ZDHHC24: variants seen among roughly 807,000 people sequenced by gnomAD.
ZDHHC24 encodes zDHHC palmitoyltransferase 24.
ZDHHC24 carries 17 observed loss-of-function variants against 23.2 expected under a neutral mutation model. The ratio of observed to expected loss-of-function variants is 0.73; its 90% CI spans 0.50 to 1.10. ZDHHC24 has a LOEUF of 1.10. Ranked by LOEUF, ZDHHC24 falls within the 50% of genes least tolerant of loss-of-function variation. The pLI, the probability that ZDHHC24 is intolerant of heterozygous loss-of-function variation, is 0.00. For synonymous variants in ZDHHC24, 186 were observed against 194.5 expected (o/e 0.96, Z 0.36); for missense variants, 366 against 393.0 (o/e 0.93, Z 0.58).
chr11:66,525,822 T>G (rs1226618291), intron 4 of ZDHHC24, among the ~76,000 whole-genome samples: 1 of 152,102 alleles, frequency 6.6e-6, no homozygotes, highest in African/African-American at 2.4e-5. Flanking sequence ...TTTGTGTTTT[T>G]GAAAGGTAGC....
chr11:66,527,119 G>T, intron 3 of ZDHHC24: 1 of 1,124,300 alleles, frequency 8.9e-7, no homozygotes, highest in Non-Finnish European at 1.3e-6. Flanking sequence ...GCTCACGCCT[G>T]TAATCCCAAC....
intron 2 of ZDHHC24, among the ~76,000 whole-genome samples, chr11:66,530,180 C>T (rs1856711286): frequency 6.6e-6 from 1 of 152,070 alleles, no homozygotes; most frequent in African/African-American, 2.4e-5. Flanking sequence ...CTGGCCATGC[C>T]GTGGGACACT....
chr11:66,534,676 ATTTATTTTAT>A (rs199871170), downstream of ZDHHC24, among the ~76,000 whole-genome samples: 13 of 151,708 alleles, frequency 8.6e-5, no homozygotes, highest in South Asian at 1.2e-3. Context: ...GATTTTTTTC[ATTTATTTTAT>A]TTTATTTTAT....
At chr11:66,529,680 C>T (rs1565289561) in intron 2 of ZDHHC24, 9 of 1,109,774 alleles carry the variant, frequency 8.1e-6, no homozygotes, top group Admixed American at 5.7e-5. Flanking sequence ...TTTCCCTCCT[C>T]CCCAGCTCCT....
At chr11:66,523,355 G>A (rs1168709270) in intron 4 of ZDHHC24, 3 of 1,538,786 alleles carry the variant, frequency 1.9e-6, no homozygotes, top group Admixed American at 3.3e-5. Flanking sequence ...TGGGGCCAGT[G>A]TTCCTCCCAG....
intron 3 of ZDHHC24, among the ~76,000 whole-genome samples, chr11:66,527,925 T>C (rs1025985967): frequency 3.3e-5 from 5 of 151,886 alleles, no homozygotes; most frequent in Non-Finnish European, 2.9e-5. Context: ...AGGCACAGGG[T>C]GTTGACCTGG....
At position 66,526,150 on chromosome 11, in the gene ZDHHC24, C is replaced by T. The variant is rs752299442; in HGVS notation, c.*21+786G>A. 21 of 1,614,134 alleles carry T rather than the reference C, an allele frequency of 1.3e-5. No homozygotes were observed. Among genetic ancestry groups the T allele is most frequent in the Non-Finnish European group, 1.5e-5 (18 of 1,180,012 alleles). ...TGCAGTGACCAGCCTTTGCTTTGGC[C>T]GGTACGGGCGGGAGGACAACACCCT... On this transcript the variant is annotated intron_variant, in intron 4 of 4. Transcript: ENST00000526986.
At chr11:66,522,202 C>T (rs1856268623) in intron 4 of ZDHHC24, among the ~76,000 whole-genome samples, 2 of 149,994 alleles carry the variant, frequency 1.3e-5, no homozygotes, top group African/African-American at 4.9e-5. Context: ...GGGCACAGAG[C>T]GAGACTCTGT....
At chr11:66,529,378 G>C in exon 3 of ZDHHC24, 1 of 1,429,356 alleles carries the variant, frequency 7.0e-7, no homozygotes, top group East Asian at 2.5e-5. Flanking sequence ...AGATGAGCAG[G>C]AGGCAGGCGA....
At chr11:66,528,926 C>CAT (rs1856635916) in intron 3 of ZDHHC24, 1 of 324,842 alleles carries the variant, frequency 3.1e-6, no homozygotes, top group Non-Finnish European at 4.3e-6. Context: ...TGAGATCACG[C>CAT]CATTGCACTC....
At chr11:66,534,735 G>A (rs184623664), downstream of ZDHHC24, among the ~76,000 whole-genome samples, 576 of 151,764 alleles carry the variant, frequency 3.8e-3, 2 homozygotes, top group Middle Eastern at 0.044. Flanking sequence ...TCACTGTGTC[G>A]CCCAGGCTGG....
chr11:66,529,298 G>T, intron 3 of ZDHHC24: 1 of 1,535,752 alleles, frequency 6.5e-7, no homozygotes, highest in South Asian at 1.2e-5. Context: ...GGGAGGCAGT[G>T]ACGGAGGCAG....
downstream of ZDHHC24, chr11:66,520,839 T>G (rs1424896001): frequency 3.5e-6 from 1 of 285,474 alleles, no homozygotes; most frequent in African/African-American, 2.2e-5. Flanking sequence ...GCTCAAACAG[T>G]CCTCTCACCT....
rs1349038089 is a variant in ZDHHC24, at chr11:66,539,545, C to G, written c.839G>C (p.Gly280Ala). 6.3e-7 allele frequency: 1 copy of G among 1,579,826 alleles called. No homozygotes were observed. Among genetic ancestry groups the G allele is most frequent in the East Asian group, 2.2e-5 (1 of 44,468 alleles). ...TTCCTGGAGTCAGGAGGCTGTGTGT[C>G]CCACATCTGCTGTGGTCTGGAAGGT... ...GITFQTTADVGHTAS is the reference protein window; with the variant it reads ...GITFQTTADVAHTAS The change falls in exon 3 of 3, where the codon GGA (glycine) becomes GCA (alanine). Residue 280 changes from glycine to alanine, a missense_variant. Gly to Ala is a moderately conservative substitution (Grantham distance 60). Transcript: ENST00000310442.
intron 2 of ZDHHC24, 29 bp from the exon 3 acceptor site, chr11:66,539,853 G>T: frequency 6.5e-7 from 1 of 1,545,286 alleles, no homozygotes; most frequent in South Asian, 1.2e-5. Flanking sequence ...GAGGGTCAGG[G>T]AGGGGCAGTG....
chr11:66,522,081 G>C (rs1590763870), intron 4 of ZDHHC24, among the ~76,000 whole-genome samples: 2 of 151,072 alleles, frequency 1.3e-5, no homozygotes, highest in South Asian at 4.2e-4. Flanking sequence ...GCTGGGCATG[G>C]TGGTGGGCGC....
In ZDHHC24 at chr11:66,545,213, T is replaced by A. The variant is rs1314450154; in HGVS notation, c.281+510A>T. On this transcript the variant is annotated intron_variant, in intron 1 of 2. Coordinates refer to ENST00000310442, the MANE Select transcript of ZDHHC24 (RefSeq NM_207340.3). The surrounding 1 kb of genome is among the most constrained non-coding windows in gnomAD (Gnocchi z 4.5). The stretch of plus-strand genomic sequence containing the variant: ...TGCCGCCATGCCCGACTAATTTTTT[T>A]ATATTTTTAGTAGAGACGGGGTTTC... Among the ~76,000 whole-genome samples, 1 of 151,486 alleles carries A rather than the reference T, an allele frequency of 6.6e-6. No homozygotes were observed. Among genetic ancestry groups the A allele is most frequent in the Non-Finnish European group, 1.5e-5 (1 of 67,758 alleles).
At chr11:66,531,554 G>T (rs1008735805), downstream of ZDHHC24, 3 of 1,482,170 alleles carry the variant, frequency 2.0e-6, no homozygotes. Context: ...CCACCCTGCA[G>T]GGGTGCTGAG....
At chr11:66,529,262 G>C in intron 3 of ZDHHC24, 3 of 1,528,954 alleles carry the variant, frequency 2.0e-6, no homozygotes, top group Middle Eastern at 4.2e-4. Context: ...AGATGTGAGG[G>C]GTGGACCTAG....
Sources: allele counts gnomAD v4.1 joint callset (sites outside exome capture counted in the v4.1 genomes callset), GRCh38; gene constraint gnomAD v4.1.1; non-coding constraint Gnocchi (gnomAD v3.1); transcripts MANE v1.5; gene names NCBI Gene and HGNC (gene_info 2026-07-23, HGNC 2026-07-21).